Variants in DHX38 observed in about 807,000 individuals in gnomAD.
DHX38 encodes DEAH-box helicase 38.
DHX38 carries 100 observed loss-of-function variants against 153.1 expected under a neutral mutation model. That is an observed-to-expected ratio of 0.65 (90% CI 0.56 to 0.77). DHX38 has a LOEUF of 0.77. Among genes scored for constraint, DHX38 ranks in the 30% least tolerant of loss-of-function variants. DHX38 has a pLI of 0.00. For missense variants in DHX38, 1,440 were observed against 1,654.0 expected, an observed-to-expected ratio of 0.87 and a Z score of 2.24; for synonymous variants, 650 against 631.7, an observed-to-expected ratio of 1.03 and a Z score of -0.43.
chr16:72,097,700 A>C lies in DHX38; in HGVS notation c.535A>C (p.Ser179Arg), dbSNP rs1434187947. The change falls in exon 4 of 27, where the codon AGC becomes CGC. Residue 179 changes from serine to arginine, a missense_variant. Transcript: ENST00000268482. ...DRDERDRSRH[S>R]SRSERDGGSE... is the part of the protein sequence containing the mutation. ...AGATGAGCGGGATAGAAGTAGGCAC[A>C]GCAGCAGATCAGAGCGAGATGGAGG... 1 of 1,614,064 alleles carries C rather than the reference A, an allele frequency of 6.2e-7. No homozygotes were observed. Among genetic ancestry groups the C allele is most frequent in the African/African-American group, 1.3e-5 (1 of 74,934 alleles).
chr16:72,099,996 C>A, intron 8 of DHX38, 109 bp downstream of exon 8: 5 of 1,418,986 alleles, frequency 3.5e-6, no homozygotes, highest in Non-Finnish European at 4.8e-6. Flanking sequence ...CCCTGATTGC[C>A]GAGAAGCCCA....
Position 72,096,824 on chromosome 16 carries a change from A to G in DHX38, c.326A>G (p.His109Arg). The G allele has an allele frequency of 6.2e-7, 1 of 1,611,122 alleles. No homozygotes were observed. Among genetic ancestry groups the G allele is most frequent in the Non-Finnish European group, 8.5e-7 (1 of 1,178,494 alleles). ...QAGQNIRKDR[H>R]YRSARVETPS... is the part of the protein sequence containing the mutation. ...ACCAGTTGCTCTCCCTGTTTCAGAC[A>G]TTATCGGTCTGCTCGGGTAGAGACT... Residue 109 changes from histidine (H) to arginine (R), a missense_variant and splice_region_variant, in exon 3 of 27, where the codon CAT becomes CGT. Physicochemically the swap from His to Arg is conservative, Grantham distance 29. This residue lies in a region of DHX38 where 483 missense variants were observed against 465.1 expected (regional missense o/e 1.04). Coordinates refer to ENST00000268482, the MANE Select transcript of DHX38 (RefSeq NM_014003.4).
chr16:72,112,277 C>T, intron 26 of DHX38, 136 bp from the exon 27 acceptor site: 4 of 767,980 alleles, frequency 5.2e-6, no homozygotes, highest in South Asian at 4.8e-5. Flanking sequence ...TGAGAATGTG[C>T]CGGGGAGGAG....
Position 72,096,995 on chromosome 16 carries a change from G to A in DHX38, c.497G>A (p.Arg166His), listed in dbSNP as rs1020522001. The A allele has an allele frequency of 1.3e-5, 21 of 1,613,554 alleles. No homozygotes were observed. The highest frequency in any genetic ancestry group is 6.7e-5 in the Admixed American group (4 of 59,972). The stretch of plus-strand genomic sequence containing the variant: ...AAATCGCGGGATCGAGACTATGACC[G>A]CAAGAGGGACAGAGGTAAACTGTCC... ...KEKSRDRDYD[R>H]KRDRDERDRS... The change falls in exon 3 of 27, where the codon CGC becomes CAC. Residue 166 changes from arginine to histidine, a missense_variant. Physicochemically the swap from Arg to His is conservative, Grantham distance 29. Around this residue, in one of 6 missense-constraint regions of DHX38, gnomAD observed 483 missense variants for 465.1 expected, o/e 1.04. Coordinates refer to ENST00000268482, the MANE Select transcript of DHX38 (RefSeq NM_014003.4).
rs2042208699 is a variant in DHX38 at position 72,108,248 on chromosome 16, C to T, written c.2986C>T (p.Gln996Ter). The T allele has an allele frequency of 6.2e-7, 1 of 1,614,076 alleles. No individual in the cohort carries two copies. Among genetic ancestry groups the T allele is most frequent in the South Asian group, 1.1e-5 (1 of 91,076 alleles). The part of the protein sequence containing the change: ...RPKGREEESD[Q>*]IREKFAVPES... ...CTAGGGTCGAGAGGAGGAGAGTGAT[C>T]AAATCCGGGAGAAGTTCGCTGTTCC... Residue 996 changes from glutamine (Q) to a stop codon, truncating the protein, a stop_gained, in exon 22 of 27, where the codon CAA becomes TAA. Transcript: ENST00000268482. LOFTEE classifies it high-confidence loss of function.
At chr16:72,100,728 C>A in intron 9 of DHX38, 131 bp downstream of exon 9, 1 of 1,319,470 alleles carries the variant, frequency 7.6e-7, no homozygotes, top group Non-Finnish European at 1.0e-6. Context: ...ACCAGGAGTT[C>A]AAGGCCTGCC....
chr16:72,104,446 G>A lies in DHX38; in HGVS notation c.2011-40G>A. The A allele has an allele frequency of 6.2e-7, 1 of 1,609,096 alleles. No homozygotes were observed. The highest frequency in any genetic ancestry group is 8.5e-7 in the Non-Finnish European group (1 of 1,179,378). On this transcript the variant is annotated intron_variant, in intron 14 of 26. Transcript: ENST00000268482. This position sits in a 1 kb window ranked among gnomAD's most constrained non-coding sequence, Gnocchi z 4.5. ...TGGGACTGGGGGACAGGAGCCAAGG[G>A]TCCCCACCATGGGGGCCTCCGAGCC...
chr16:72,100,195 AT>A (rs1340322121), intron 8 of DHX38, among the ~76,000 whole-genome samples: 3 of 151,884 alleles, frequency 2.0e-5, no homozygotes, highest in African/African-American at 7.3e-5. Context: ...GACACTTACC[AT>A]TTGTGTGTCC....
In DHX38 at chr16:72,097,711, A is replaced by G. The variant is rs2144133900; in HGVS notation, c.546A>G (p.Ser182=). The G allele has an allele frequency of 6.2e-7, 1 of 1,614,162 alleles. No homozygotes were observed. The highest frequency in any genetic ancestry group is 8.5e-7 in the Non-Finnish European group (1 of 1,179,992). Residue 182 remains serine (S), a synonymous_variant, in exon 4 of 27, where the codon TCA becomes TCG. Coordinates refer to ENST00000268482, the MANE Select transcript of DHX38 (RefSeq NM_014003.4). ...ATAGAAGTAGGCACAGCAGCAGATC[A>G]GAGCGAGATGGAGGGTCAGAGCGTA... The part of the protein sequence containing the change: ...ERDRSRHSSR[S]ERDGGSERSS...
At position 72,107,828 on chromosome 16, in the gene DHX38, C is replaced by A. The variant is rs199750951; in HGVS notation, c.2964+29C>A. 1 of 1,607,374 alleles carries A rather than the reference C, an allele frequency of 6.2e-7. No homozygotes were observed. The highest frequency in any genetic ancestry group is 8.5e-7 in the Non-Finnish European group (1 of 1,177,538). ...GGGCAGCGGCTGGCTCCCCTCTCCCCGGAGGGCTCGAGGAAGTGTTGGGGA... is the reference window on the plus strand; with the variant it reads ...GGGCAGCGGCTGGCTCCCCTCTCCCAGGAGGGCTCGAGGAAGTGTTGGGGA... On this transcript the variant is annotated intron_variant, in intron 21 of 26. Coordinates refer to ENST00000268482, the MANE Select transcript of DHX38 (RefSeq NM_014003.4). The surrounding 1 kb of genome is among the most constrained non-coding windows in gnomAD (Gnocchi z 5.3).
At chr16:72,099,540 T>G (rs1232515899) in intron 7 of DHX38, among the ~76,000 whole-genome samples, 192 bp from the exon 8 acceptor site, 2 of 139,710 alleles carry the variant, frequency 1.4e-5, no homozygotes, top group Non-Finnish European at 3.0e-5. Context: ...TGCCCTCCAG[T>G]CCTGTGTAGT....
Position 72,096,268 on chromosome 16 carries a change from T to G in DHX38, c.111T>G (p.His37Gln). ...CCAAAAGTGCGGCCAGCGAGCAGCA[T>G]GTCTTCAAGGCTCCTGCTCCCCGCC... Reference protein sequence around the residue: ...CKSKSAASEQHVFKAPAPRPS... With the variant: ...CKSKSAASEQQVFKAPAPRPS... Residue 37 changes from histidine to glutamine, a missense_variant, in exon 2 of 27, where the codon CAT becomes CAG. Transcript: ENST00000268482. 1 of 1,614,218 alleles carries G rather than the reference T, an allele frequency of 6.2e-7. No individual in the cohort carries two copies. The highest frequency in any genetic ancestry group is 1.1e-5 in the South Asian group (1 of 91,088).
At chr16:72,111,119 C>T (rs747694974) in intron 26 of DHX38, 42 bp downstream of exon 26, 15 of 1,515,104 alleles carry the variant, frequency 9.9e-6, no homozygotes, top group East Asian at 4.9e-5. Context: ...TGGCACCCAT[C>T]CCAGGAGGCT....
chr16:72,100,442 G>A lies in DHX38; in HGVS notation c.1123G>A (p.Glu375Lys), dbSNP rs773991276. 7 of 1,613,920 alleles carry A rather than the reference G, an allele frequency of 4.3e-6. No individual in the cohort carries two copies. The East Asian group carries it at 6.7e-5, about 15-fold the overall frequency. Residue 375 changes from glutamate to lysine, a missense_variant, in exon 9 of 27, where the codon GAG (glutamate) becomes AAG (lysine). Coordinates refer to ENST00000268482, the MANE Select transcript of DHX38 (RefSeq NM_014003.4). ...TCCCATTGTGTCCTCACAGGATAAC[G>A]AGCGCTGGGAGACAAACCGCATGCT... is the stretch of plus-strand genomic sequence containing the variant. Reference protein sequence around the residue: ...AQRRQINEDNERWETNRMLTS... With the variant: ...AQRRQINEDNKRWETNRMLTS...
intron 1 of DHX38, among the ~76,000 whole-genome samples, chr16:72,095,519 G>C (rs908167356): frequency 6.6e-6 from 1 of 152,164 alleles, no homozygotes; most frequent in Admixed American, 6.5e-5. Flanking sequence ...CAGTATATAG[G>C]AGGATAGCAA....
chr16:72,095,888 GTAT>G, intron 1 of DHX38, among the ~76,000 whole-genome samples: 1 of 146,456 alleles, frequency 6.8e-6, no homozygotes. Context: ...GGGGAGGAAT[GTAT>G]GGGGTGTGTG....
chr16:72,095,522 G>T (rs1297230665), intron 1 of DHX38, among the ~76,000 whole-genome samples: 3 of 152,102 alleles, frequency 2.0e-5, no homozygotes, highest in Non-Finnish European at 2.9e-5. Flanking sequence ...TATATAGGAG[G>T]ATAGCAAATA....
intron 9 of DHX38, 96 bp from the exon 10 acceptor site, chr16:72,100,990 T>G: frequency 2.5e-6 from 3 of 1,206,052 alleles, no homozygotes; most frequent in Non-Finnish European, 3.7e-6. Flanking sequence ...CCCTGTACCA[T>G]GAGAGGGTAG....
At chr16:72,102,016 A>T (rs1439741126) in intron 11 of DHX38, among the ~76,000 whole-genome samples, 4 of 152,216 alleles carry the variant, frequency 2.6e-5, no homozygotes, top group Non-Finnish European at 5.9e-5. Flanking sequence ...TGAGTTCACT[A>T]TAAGAACTAT....
Sources: allele counts gnomAD v4.1 joint callset (sites outside exome capture counted in the v4.1 genomes callset), GRCh38; gene constraint gnomAD v4.1.1; regional missense constraint gnomAD v4.1.1; non-coding constraint Gnocchi (gnomAD v3.1); transcripts MANE v1.5; gene names NCBI Gene and HGNC (gene_info 2026-07-23, HGNC 2026-07-21).